The following INVS variants were observed in gnomAD, a reference collection of about 807,000 sequenced individuals.
INVS encodes the protein inversin, also known as inversion of embryo turning homolog.
INVS carries 86 observed loss-of-function variants against 108.8 expected under a neutral mutation model. The observed-to-expected ratio is 0.79, with a 90% confidence interval of 0.66 to 0.95. The LOEUF is 0.95. Ranked by LOEUF, INVS falls within the 40% of genes least tolerant of loss-of-function variation. INVS has a pLI of 0.00. For synonymous variants in INVS, 455 were observed against 473.5 expected (o/e 0.96, Z 0.51); for missense variants, 1,169 against 1,297.4 (o/e 0.90, Z 1.52).
At chr9:100,116,187 T>C (rs1827518927) in intron 2 of INVS, among the ~76,000 whole-genome samples, 1 of 151,278 alleles carries the variant, frequency 6.6e-6, no homozygotes, top group South Asian at 2.1e-4. Context: ...CCCTGCAACC[T>C]CCGCCTCCCG....
chr9:100,142,845 G>A (rs907424108), intron 3 of INVS, among the ~76,000 whole-genome samples: 2 of 152,182 alleles, frequency 1.3e-5, no homozygotes, highest in African/African-American at 2.4e-5. Flanking sequence ...GCTATAGGAC[G>A]TGGTCCCAGC....
intron 5 of INVS, among the ~76,000 whole-genome samples, chr9:100,234,214 A>G (rs947054897): frequency 5.3e-5 from 8 of 152,072 alleles, no homozygotes; most frequent in African/African-American, 1.9e-4. Context: ...GTCAGTGGTG[A>G]TATCCCCTAT....
chr9:100,283,245 G>T (rs747642278), intron 12 of INVS, among the ~76,000 whole-genome samples: 1 of 152,076 alleles, frequency 6.6e-6, no homozygotes, highest in Admixed American at 6.5e-5. Context: ...TCAAGGCTGC[G>T]GTGAGCTAAG....
At chr9:100,257,183 T>C (rs1334253263) in intron 10 of INVS, among the ~76,000 whole-genome samples, 1 of 152,238 alleles carries the variant, frequency 6.6e-6, no homozygotes, top group African/African-American at 2.4e-5. Flanking sequence ...TTGTCTCTTT[T>C]GATCTTTGTT....
rs1232668933 is a variant in INVS at position 100,224,910 on chromosome 9, G to A, written c.274-1152G>A. 9.9e-5 allele frequency among the ~76,000 whole-genome samples: 15 copies of A among 151,870 alleles called. No homozygotes were observed. The East Asian group carries it at 1.2e-3, about 12-fold the overall frequency. Reference sequence around the variant, plus strand: ...ATTACAGGCATGAGCCACCGCACCCGGCCTGCTTCTTTCTTGAGGTGGGTT... The same window carrying A: ...ATTACAGGCATGAGCCACCGCACCCAGCCTGCTTCTTTCTTGAGGTGGGTT... On this transcript the variant is annotated intron_variant, in intron 3 of 16. Transcript: ENST00000262457.
At position 100,301,555 on chromosome 9, in the gene INVS, C is replaced by T. The variant is rs552497197; in HGVS notation, c.*881C>T. 2.6e-5 allele frequency among the ~76,000 whole-genome samples: 4 copies of T among 152,284 alleles called. No homozygotes were observed. Among genetic ancestry groups the T allele is most frequent in the East Asian group, 1.9e-4 (1 of 5,190 alleles). On this transcript the variant is annotated 3_prime_UTR_variant, in exon 17 of 17. Coordinates refer to ENST00000262457, the MANE Select transcript of INVS (RefSeq NM_014425.5). ...TTTCTGTTGGCAGGGAAGAATGAAA[C>T]GGCACACATCCTAGCATTCTAAGAA...
rs534298084 is a variant in INVS, at chr9:100,117,142, G to A, written c.107-9241G>A. The A allele has an allele frequency of 3.0e-5, 38 of 1,245,984 alleles. 1 individual carries two copies. The highest frequency in any genetic ancestry group is 6.7e-5 in the South Asian group (5 of 75,068). 77.2% of individuals were successfully genotyped at this position (1,245,984 alleles called of 1,614,324 possible). A position where few individuals can be genotyped will look rare whatever the true frequency, so the allele number is the denominator to read the frequency against. The stretch of plus-strand genomic sequence containing the variant: ...TGTTCCCCCAGTAGCCTCTGTGCAC[G>A]GGGACAATGGAGAGCTTGGCCAGGA... On this transcript the variant is annotated intron_variant, in intron 2 of 16. Transcript: ENST00000262457.
chr9:100,117,102 G>A (rs983286497), intron 2 of INVS: 3 of 1,186,252 alleles, frequency 2.5e-6, no homozygotes, highest in African/African-American at 1.5e-5. Flanking sequence ...GGGACGGTGT[G>A]GGGCTTGCCG....
intron 8 of INVS, 49 bp from the exon 9 acceptor site, chr9:100,252,234 G>C (rs377068989): frequency 7.6e-6 from 12 of 1,569,582 alleles, no homozygotes; most frequent in Non-Finnish European, 1.1e-5. Flanking sequence ...AATTTAAAAG[G>C]TGAAGTTGTT....
chr9:100,188,929 T>C (rs1735849166), intron 3 of INVS, among the ~76,000 whole-genome samples: 2 of 151,946 alleles, frequency 1.3e-5, no homozygotes, highest in Admixed American at 6.6e-5. Flanking sequence ...GATGGGGGGC[T>C]GTGTATTTCC....
intron 10 of INVS, among the ~76,000 whole-genome samples, chr9:100,261,809 C>A (rs1832633317): frequency 6.6e-6 from 1 of 152,172 alleles, no homozygotes. Context: ...TCAATACAAT[C>A]TTGAATAGAA....
intron 2 of INVS, among the ~76,000 whole-genome samples, chr9:100,114,078 T>C (rs551785078): frequency 2.0e-4 from 31 of 152,318 alleles, no homozygotes; most frequent in Non-Finnish European, 3.4e-4. Flanking sequence ...ATGGCATCTT[T>C]TGTAGTTATT....
chr9:100,194,119 G>A lies in INVS; in HGVS notation c.274-31943G>A, dbSNP rs531333796. Among the ~76,000 whole-genome samples, 12 of 152,290 alleles carry A rather than the reference G, an allele frequency of 7.9e-5. No homozygotes were observed. In the South Asian group the frequency reaches 2.3e-3, roughly 29 times the overall value. On this transcript the variant is annotated intron_variant, in intron 3 of 16. Transcript: ENST00000262457. ...TGGCTGGGTCATATAGCAGGTGTACGTTTAACTTTTAAGAAAATGGTGAAC... is the reference window on the plus strand; with the variant it reads ...TGGCTGGGTCATATAGCAGGTGTACATTTAACTTTTAAGAAAATGGTGAAC...
At chr9:100,258,689 A>C (rs1434210362) in intron 10 of INVS, among the ~76,000 whole-genome samples, 1 of 152,152 alleles carries the variant, frequency 6.6e-6, no homozygotes, top group Non-Finnish European at 1.5e-5. Flanking sequence ...TCCACTCCAG[A>C]CCATGTTTGC....
intron 2 of INVS, among the ~76,000 whole-genome samples, chr9:100,118,067 T>C (rs528666575): frequency 6.6e-6 from 1 of 151,806 alleles, no homozygotes; most frequent in African/African-American, 2.4e-5. Flanking sequence ...TTCTTTTTTT[T>C]TCTTTTTTTT....
chr9:100,128,424 C>T (rs1258294128), intron 3 of INVS, among the ~76,000 whole-genome samples: 4 of 152,060 alleles, frequency 2.6e-5, no homozygotes, highest in Non-Finnish European at 5.9e-5. Context: ...GTAATGGATC[C>T]GAATTCCCAG....
chr9:100,176,882 G>C (rs937221086), intron 3 of INVS, among the ~76,000 whole-genome samples: 4 of 151,864 alleles, frequency 2.6e-5, no homozygotes, highest in Admixed American at 6.6e-5. Context: ...GCCCCTAATT[G>C]GTTGGTTATG....
intron 1 of INVS, among the ~76,000 whole-genome samples, chr9:100,099,701 G>A (rs541399432): frequency 2.6e-5 from 4 of 152,282 alleles, no homozygotes; most frequent in Non-Finnish European, 5.9e-5. Context: ...TCGTAAACTG[G>A]AAAACTGTGT....
At chr9:100,142,461 G>T (rs1352209203) in intron 3 of INVS, among the ~76,000 whole-genome samples, 2 of 152,096 alleles carry the variant, frequency 1.3e-5, no homozygotes, top group East Asian at 1.9e-4. Context: ...ATGTGATTAG[G>T]GTGAGGAACA....
Sources: gnomAD v4.1 joint callset for allele counts (sites outside exome capture counted in the v4.1 genomes callset) on GRCh38, gnomAD v4.1.1 for gene constraint, MANE v1.5 for transcripts, NCBI Gene and HGNC (gene_info 2026-07-23, HGNC 2026-07-21) for gene names.